The following ARID1B variants were observed in gnomAD, a reference collection of about 807,000 sequenced individuals.
ARID1B encodes AT-rich interaction domain 1B.
ARID1B carries 30 observed loss-of-function variants against 212.3 expected under a neutral mutation model. The observed-to-expected ratio is 0.14, with a 90% confidence interval of 0.11 to 0.19. The LOEUF (loss-of-function observed/expected upper bound fraction) is 0.19, where lower values mean the gene tolerates loss of function less well. Ranked by LOEUF, ARID1B falls within the 10% of genes least tolerant of loss-of-function variation. The pLI is 1.00. For synonymous variants in ARID1B, 1,402 were observed against 1,301.7 expected, an observed-to-expected ratio of 1.08 and a Z score of -1.66; for missense variants, 2,891 against 3,204.0, an observed-to-expected ratio of 0.90 and a Z score of 2.36.
At chr6:157,090,822 C>T (rs966795816) in intron 5 of ARID1B, among the ~76,000 whole-genome samples, 1 of 152,170 alleles carries the variant, frequency 6.6e-6, no homozygotes, top group South Asian at 2.1e-4. Context: ...GAATCTCACT[C>T]ACATTCCAGG....
intron 2 of ARID1B, among the ~76,000 whole-genome samples, chr6:156,888,509 T>C (rs1453735130): frequency 6.6e-6 from 1 of 152,202 alleles, no homozygotes; most frequent in Non-Finnish European, 1.5e-5. Context: ...CAATGGAAAA[T>C]CTCAAAGATG....
chr6:157,033,082 C>T (rs1225976547), intron 4 of ARID1B, among the ~76,000 whole-genome samples: 1 of 152,144 alleles, frequency 6.6e-6, no homozygotes, highest in Non-Finnish European at 1.5e-5. Context: ...TATTTTTATA[C>T]TTTAGGATCA....
At chr6:157,149,965 A>G (rs535613352) in intron 8 of ARID1B, 3 of 152,326 alleles carry the variant, frequency 2.0e-5, no homozygotes, top group Admixed American at 1.3e-4. Context: ...ATGAAAATCA[A>G]TCATTATCTT....
rs376633191 is a variant in ARID1B, at chr6:157,203,400, T to C, written c.5264-466T>C. Among the ~76,000 whole-genome samples, 8 of 152,214 alleles carry C rather than the reference T, an allele frequency of 5.3e-5. No homozygotes were observed. The East Asian group carries it at 1.5e-3, about 29-fold the overall frequency. The stretch of plus-strand genomic sequence containing the variant: ...CAAGGCCGTGTGTCTGAGGAGGCTG[T>C]CTTGGAGTTAAATTTTGCTTCCATG... On this transcript the variant is annotated intron_variant, in intron 18 of 19. Transcript: ENST00000636930. The surrounding 1 kb of genome is among the most constrained non-coding windows in gnomAD (Gnocchi z 4.4).
chr6:156,784,045 T>C (rs1306605416), intron 1 of ARID1B, among the ~76,000 whole-genome samples: 3 of 152,102 alleles, frequency 2.0e-5, no homozygotes, highest in African/African-American at 7.2e-5. Context: ...TTTTGCAATA[T>C]TTAGGTTTTC....
At chr6:157,084,562 T>C (rs2128461400) in intron 4 of ARID1B, 100 bp from the exon 5 acceptor site, 1 of 1,449,448 alleles carries the variant, frequency 6.9e-7, no homozygotes, top group East Asian at 2.3e-5. Context: ...CCAGAAAACC[T>C]TCATCTCTGA....
chr6:157,144,876 A>G (rs1304878168), intron 7 of ARID1B, among the ~76,000 whole-genome samples: 1 of 152,146 alleles, frequency 6.6e-6, no homozygotes, highest in African/African-American at 2.4e-5. Context: ...GTGTTTTTTT[A>G]TTTTTTATTT....
intron 2 of ARID1B, among the ~76,000 whole-genome samples, chr6:156,853,304 T>C (rs1311508849): frequency 1.3e-5 from 2 of 152,234 alleles, no homozygotes; most frequent in African/African-American, 4.8e-5. Flanking sequence ...AACAATCTTA[T>C]TGTGTGTTTT....
chr6:156,856,657 T>C (rs1317219965), intron 2 of ARID1B, among the ~76,000 whole-genome samples: 1 of 146,864 alleles, frequency 6.8e-6, no homozygotes, highest in African/African-American at 2.6e-5. Flanking sequence ...ATCCTGTGTG[T>C]GTGGGCATGC....
intron 4 of ARID1B, among the ~76,000 whole-genome samples, chr6:157,006,121 C>A (rs1467343799): frequency 6.6e-6 from 1 of 152,162 alleles, no homozygotes; most frequent in African/African-American, 2.4e-5. Context: ...GCTATCTGAT[C>A]TCACTGTTAG....
At chr6:156,898,532 C>T (rs534871207) in intron 2 of ARID1B, among the ~76,000 whole-genome samples, 1 of 152,306 alleles carries the variant, frequency 6.6e-6, no homozygotes, top group East Asian at 1.9e-4. Context: ...GCAGAAGGCT[C>T]TGGGGCCTTC....
At chr6:157,124,097 G>A (rs1446920536) in intron 6 of ARID1B, among the ~76,000 whole-genome samples, 1 of 152,198 alleles carries the variant, frequency 6.6e-6, no homozygotes, top group Non-Finnish European at 1.5e-5. Flanking sequence ...GCTATCAGTT[G>A]TTCCTTCTCA....
intron 4 of ARID1B, chr6:156,941,315 A>T (rs1236013562): frequency 6.6e-6 from 1 of 152,236 alleles, no homozygotes; most frequent in African/African-American, 2.4e-5. Flanking sequence ...GAACAGCTAC[A>T]GGCATACCTT....
intron 5 of ARID1B, among the ~76,000 whole-genome samples, chr6:157,105,935 C>A (rs936328849): frequency 6.6e-6 from 1 of 152,060 alleles, no homozygotes; most frequent in Non-Finnish European, 1.5e-5. Flanking sequence ...GCAATACATT[C>A]TATTAGTGAG....
intron 4 of ARID1B, among the ~76,000 whole-genome samples, chr6:157,059,261 T>G (rs746714246): frequency 3.3e-5 from 5 of 152,174 alleles, no homozygotes; most frequent in Non-Finnish European, 5.9e-5. Flanking sequence ...AACAGTTTGT[T>G]ATATAATAGA....
At chr6:157,099,479 TCA>T (rs1373770404) in intron 5 of ARID1B, among the ~76,000 whole-genome samples, 1 of 151,446 alleles carries the variant, frequency 6.6e-6, no homozygotes, top group African/African-American at 2.4e-5. Context: ...CTCGCACCTG[TCA>T]CAGAGTTATG....
At chr6:157,021,429 G>A (rs985692630) in intron 4 of ARID1B, among the ~76,000 whole-genome samples, 2 of 152,310 alleles carry the variant, frequency 1.3e-5, no homozygotes, top group Admixed American at 6.5e-5. Context: ...AGCGCGGAGG[G>A]GACCGAGTCA....
intron 8 of ARID1B, among the ~76,000 whole-genome samples, chr6:157,159,751 G>C (rs1790810768): frequency 6.6e-6 from 1 of 152,202 alleles, no homozygotes; most frequent in Admixed American, 6.5e-5. Flanking sequence ...GAAATGCTTT[G>C]AAAACAAGAG....
At chr6:156,991,393 G>A (rs936153323) in intron 4 of ARID1B, among the ~76,000 whole-genome samples, 3 of 152,154 alleles carry the variant, frequency 2.0e-5, no homozygotes, top group Middle Eastern at 3.4e-3. Flanking sequence ...ACCATGTCTG[G>A]CTAATTTTTT....
Sources: allele counts gnomAD v4.1 joint callset (sites outside exome capture counted in the v4.1 genomes callset), GRCh38; gene constraint gnomAD v4.1.1; non-coding constraint Gnocchi (gnomAD v3.1); transcripts MANE v1.5; gene names NCBI Gene and HGNC (gene_info 2026-07-23, HGNC 2026-07-21).